The following TMEM132E variants were observed in gnomAD, a reference collection of about 807,000 sequenced individuals.
The protein encoded by TMEM132E is transmembrane protein 132E.
TMEM132E carries 49 observed loss-of-function variants against 78.5 expected under a neutral mutation model. The ratio of observed to expected loss-of-function variants is 0.62; its 90% CI spans 0.50 to 0.79. The LOEUF (loss-of-function observed/expected upper bound fraction) is 0.79. Ranked by LOEUF, TMEM132E falls within the 30% of genes least tolerant of loss-of-function variation. The probability of loss-of-function intolerance (pLI) is 0.00; values close to 1 mark genes in which losing one functional copy is unlikely to be tolerated. For missense variants in TMEM132E, 1,403 were observed against 1,470.9 expected (o/e 0.95, Z 0.75); for synonymous variants, 715 against 670.6 (o/e 1.07, Z -1.02).
chr17:34,592,423 C>T (rs1434110888), intron 1 of TMEM132E, among the ~76,000 whole-genome samples: 1 of 152,236 alleles, frequency 6.6e-6, no homozygotes, highest in East Asian at 1.9e-4. Context: ...ACTGCCAGGA[C>T]AGCACTGCCA....
chr17:34,606,532 C>T (rs1906418921), intron 1 of TMEM132E, among the ~76,000 whole-genome samples: 1 of 152,194 alleles, frequency 6.6e-6, no homozygotes, highest in African/African-American at 2.4e-5. Context: ...CTAGGAGATG[C>T]ACACATGCTC....
At chr17:34,595,261 C>T (rs534227041) in intron 1 of TMEM132E, among the ~76,000 whole-genome samples, 3 of 152,348 alleles carry the variant, frequency 2.0e-5, no homozygotes, top group Middle Eastern at 3.4e-3. Flanking sequence ...CACTTTTGTT[C>T]CCTAAACTTC....
Position 34,637,294 on chromosome 17 carries a change from G to T in TMEM132E, c.2287G>T (p.Val763Leu), listed in dbSNP as rs1292335212. Residue 763 changes from valine (V) to leucine (L), a missense_variant, in exon 9 of 9, where the codon GTG becomes TTG. Around this residue, in one of 3 missense-constraint regions of TMEM132E, gnomAD observed 888 missense variants for 952.8 expected, o/e 0.93. Transcript: ENST00000631683. ...CAGCCTGGATGAGCATGTGGCCACTGTGACCCAGGACCGGGCCTTCCCTCT... is the reference window on the plus strand; with the variant it reads ...CAGCCTGGATGAGCATGTGGCCACTTTGACCCAGGACCGGGCCTTCCCTCT... Reference protein sequence around the residue: ...VSSLDEHVATVTQDRAFPLVV... With the variant: ...VSSLDEHVATLTQDRAFPLVV... 6.2e-7 allele frequency: 1 copy of T among 1,614,150 alleles called. No homozygotes were observed. The highest frequency in any genetic ancestry group is 1.7e-5 in the Admixed American group (1 of 60,036).
At chr17:34,581,481 G>C (rs1202055194) in intron 1 of TMEM132E, among the ~76,000 whole-genome samples, 1 of 150,818 alleles carries the variant, frequency 6.6e-6, no homozygotes, top group Non-Finnish European at 1.5e-5. Flanking sequence ...CGTCCAGGCC[G>C]CCCCCCGCCC....
intron 1 of TMEM132E, among the ~76,000 whole-genome samples, chr17:34,615,757 G>A (rs894536282): frequency 1.3e-5 from 2 of 151,918 alleles, no homozygotes; most frequent in African/African-American, 2.4e-5. Flanking sequence ...TCACATATAG[G>A]AGAGAGGGGA....
intron 1 of TMEM132E, among the ~76,000 whole-genome samples, chr17:34,587,494 C>T (rs986085345): frequency 1.3e-5 from 2 of 152,112 alleles, no homozygotes; most frequent in Non-Finnish European, 2.9e-5. Context: ...GCCTTTATTC[C>T]TTGCGTGGTG....
intron 1 of TMEM132E, among the ~76,000 whole-genome samples, chr17:34,608,942 C>A (rs1378716017): frequency 6.6e-6 from 1 of 152,164 alleles, no homozygotes; most frequent in African/African-American, 2.4e-5. Flanking sequence ...CAGCAGACAG[C>A]CTTAATCAGT....
Position 34,636,172 on chromosome 17 carries a change from C to T in TMEM132E, c.2143C>T (p.Gln715Ter). The stretch of plus-strand genomic sequence containing the variant: ...CACCATCCTAGCCACCACAGCTGCC[C>T]AACAGACCTTGAGCTTCCTCAAGCA... ...SHTILATTAAQQTLSFLKQEA... is the reference protein window; with the variant it reads ...SHTILATTAA The change falls in exon 8 of 9, where the codon CAA becomes TAA. Residue 715 changes from glutamine to a stop codon, truncating the protein, a stop_gained. Transcript: ENST00000631683. LOFTEE classifies it high-confidence loss of function. The T allele has an allele frequency of 6.5e-7, 1 of 1,533,524 alleles. No homozygotes were observed. Among genetic ancestry groups the T allele is most frequent in the East Asian group, 2.5e-5 (1 of 39,462 alleles). 95.0% of individuals were successfully genotyped at this position (1,533,524 alleles called of 1,614,324 possible).
chr17:34,614,891 G>GCAGCTTACAGGATCCCATGGGAGCAGA (rs1906726040), intron 1 of TMEM132E: 1 of 152,364 alleles, frequency 6.6e-6, no homozygotes, highest in South Asian at 2.1e-4. Context: ...AGTGCCATGT[G>GCAGCTTACAGGATCCCATGGGAGCAGA]CAGCTTACAG....
Position 34,626,941 on chromosome 17 carries a change from G to A in TMEM132E, c.882G>A (p.Leu294=). The change falls in exon 2 of 9, where the codon CTG becomes CTA. Residue 294 remains leucine, a synonymous_variant. Transcript: ENST00000631683. The part of the protein sequence containing the change: ...TLQEHRLDSN[L]MIRLPDRPLK... ...AGGAGCACAGGCTGGACAGCAACCT[G>A]ATGATCCGCCTGCCAGACCGGCCCC... 1 of 1,613,786 alleles carries A rather than the reference G, an allele frequency of 6.2e-7. No homozygotes were observed. The highest frequency in any genetic ancestry group is 8.5e-7 in the Non-Finnish European group (1 of 1,180,002).
chr17:34,637,779 G>C lies in TMEM132E; in HGVS notation c.2772G>C (p.Glu924Asp), dbSNP rs371995594. The change falls in exon 9 of 9, where the codon GAG becomes GAC. Residue 924 changes from glutamate (E) to aspartate (D), a missense_variant. Physicochemically the swap from Glu to Asp is conservative, Grantham distance 45. Transcript: ENST00000631683. The stretch of plus-strand genomic sequence containing the variant: ...ACCGGCACAAGCGCATCCCGCCCGA[G>C]GGCCAGACCAGCATGGACCACTCTC... Reference protein sequence around the residue: ...LRYRHKRIPPEGQTSMDHSHH... With the variant: ...LRYRHKRIPPDGQTSMDHSHH... 2.5e-6 allele frequency: 4 copies of C among 1,613,378 alleles called. No homozygotes were observed. The African/African-American group carries it at 5.3e-5, about 22-fold the overall frequency.
intron 5 of TMEM132E, 87 bp from the exon 6 acceptor site, chr17:34,632,617 G>T: frequency 7.0e-7 from 1 of 1,433,494 alleles, no homozygotes; most frequent in Non-Finnish European, 9.8e-7. Flanking sequence ...TTTCCCTCCA[G>T]CCCTGGTTGT....
chr17:34,621,599 CA>C (rs1453313527), intron 1 of TMEM132E, among the ~76,000 whole-genome samples: 1 of 152,284 alleles, frequency 6.6e-6, no homozygotes, highest in East Asian at 1.9e-4. Flanking sequence ...GAGACGGCAG[CA>C]AGGGAGAGGG....
At position 34,638,078 on chromosome 17, in the gene TMEM132E, A is replaced by G; in HGVS notation, c.3071A>G (p.Glu1024Gly). 1.3e-6 allele frequency: 2 copies of G among 1,588,786 alleles called. No individual in the cohort carries two copies. Among genetic ancestry groups the G allele is most frequent in the Non-Finnish European group, 1.7e-6 (2 of 1,167,632 alleles). Residue 1024 changes from glutamate to glycine, a missense_variant, in exon 9 of 9, where the codon GAG becomes GGG. Around this residue, in one of 3 missense-constraint regions of TMEM132E, gnomAD observed 888 missense variants for 952.8 expected, o/e 0.93. Coordinates refer to ENST00000631683, the MANE Select transcript of TMEM132E (RefSeq NM_001304438.2). The stretch of plus-strand genomic sequence containing the variant: ...ACCACCTTCACCACGCTGCCGTCAG[A>G]GGAGCTGGCCTATGACTCGGTGCCC... ...KFTTFTTLPS[E>G]ELAYDSVPAG...
At chr17:34,599,110 G>A (rs1906147903) in intron 1 of TMEM132E, among the ~76,000 whole-genome samples, 1 of 152,248 alleles carries the variant, frequency 6.6e-6, no homozygotes, top group African/African-American at 2.4e-5. Context: ...AACTGGAGCA[G>A]TGCAAACCTT....
intron 2 of TMEM132E, among the ~76,000 whole-genome samples, 197 bp from the exon 3 acceptor site, chr17:34,628,366 G>A (rs996421860): frequency 2.0e-5 from 3 of 152,318 alleles, no homozygotes; most frequent in South Asian, 4.1e-4. Context: ...AGCTTTCACC[G>A]AGGGTCAGAG....
intron 1 of TMEM132E, among the ~76,000 whole-genome samples, chr17:34,587,753 C>T (rs1018488328): frequency 3.3e-5 from 5 of 152,230 alleles, no homozygotes; most frequent in Admixed American, 6.5e-5. Flanking sequence ...CACTCAGTCA[C>T]GGCCACACAC....
rs766982094 is a variant in TMEM132E at position 34,626,839 on chromosome 17, G to C, written c.780G>C (p.Ala260=). ...RGAGPGVGAR[A]ESPTQHPLLR... The stretch of plus-strand genomic sequence containing the variant: ...CCGGGCCCGGGGTGGGGGCCCGAGC[G>C]GAAAGCCCTACCCAGCACCCCCTGC... Residue 260 remains alanine, a synonymous_variant, in exon 2 of 9, where the codon GCG becomes GCC. Transcript: ENST00000631683. 3.2e-6 allele frequency: 5 copies of C among 1,579,822 alleles called. No homozygotes were observed. The Admixed American group carries it at 8.8e-5, about 28-fold the overall frequency.
chr17:34,581,731 G>T (rs944179344), intron 1 of TMEM132E, among the ~76,000 whole-genome samples: 2 of 151,962 alleles, frequency 1.3e-5, no homozygotes, highest in South Asian at 2.1e-4. Flanking sequence ...GAGGGCGGGG[G>T]TCTGGGCACC....
Sources: allele counts gnomAD v4.1 joint callset (sites outside exome capture counted in the v4.1 genomes callset), GRCh38; gene constraint gnomAD v4.1.1; regional missense constraint gnomAD v4.1.1; transcripts MANE v1.5; gene names NCBI Gene and HGNC (gene_info 2026-07-23, HGNC 2026-07-21).